The following COBLL1 variants were observed in gnomAD, a reference collection of about 807,000 sequenced individuals.
COBLL1 encodes the protein cordon-bleu protein-like 1.
In COBLL1, 50 loss-of-function variants were observed where a neutral mutation model predicts 94.8. That is an observed-to-expected ratio of 0.53 (90% confidence interval 0.42 to 0.67). The LOEUF is 0.67. Ranked by LOEUF, COBLL1 falls within the 30% of genes least tolerant of loss-of-function variation. COBLL1 has a pLI of 0.00. For missense variants in COBLL1, 1,362 were observed against 1,348.7 expected, an observed-to-expected ratio of 1.01 and a Z score of -0.15; for synonymous variants, 448 against 473.8, an observed-to-expected ratio of 0.95 and a Z score of 0.71.
intron 2 of COBLL1, among the ~76,000 whole-genome samples, chr2:164,801,948 T>C (rs1204548078): frequency 6.6e-6 from 1 of 152,230 alleles, no homozygotes; most frequent in Non-Finnish European, 1.5e-5. Context: ...CATGTCCTAT[T>C]GCTTAAGCAT....
At chr2:164,795,538 A>C (rs1683404088) in intron 2 of COBLL1, among the ~76,000 whole-genome samples, 1 of 152,162 alleles carries the variant, frequency 6.6e-6, no homozygotes, top group Non-Finnish European at 1.5e-5. Context: ...ACCCGCTCCC[A>C]GTTAAATTAT....
chr2:164,748,986 CCTA>C (rs1687001629), intron 2 of COBLL1, among the ~76,000 whole-genome samples: 1 of 152,018 alleles, frequency 6.6e-6, no homozygotes, highest in South Asian at 2.1e-4. Flanking sequence ...CAATTAGTGT[CCTA>C]CTATTACTGC....
chr2:164,754,442 A>T (rs1426902817), intron 2 of COBLL1, among the ~76,000 whole-genome samples: 1 of 152,184 alleles, frequency 6.6e-6, no homozygotes, highest in African/African-American at 2.4e-5. Flanking sequence ...CTGCTCTGAG[A>T]GAATCCAGCT....
At chr2:164,717,106 CAATGTAACTA>C (rs1685208566) in intron 7 of COBLL1, among the ~76,000 whole-genome samples, 1 of 152,092 alleles carries the variant, frequency 6.6e-6, no homozygotes, top group Non-Finnish European at 1.5e-5. Context: ...ACTTCTCATG[CAATGTAACTA>C]TTTCCAATAT....
At chr2:164,811,279 T>C (rs1684444176) in intron 2 of COBLL1, among the ~76,000 whole-genome samples, 2 of 151,942 alleles carry the variant, frequency 1.3e-5, no homozygotes, top group Non-Finnish European at 2.9e-5. Context: ...CAATAATGCA[T>C]GGTGTTTGGA....
At chr2:164,718,405 T>C (rs1375916942) in intron 7 of COBLL1, 7 of 186,728 alleles carry the variant, frequency 3.7e-5, no homozygotes, top group Non-Finnish European at 7.0e-5. Context: ...CTTTATGAAC[T>C]GCTAAGAATA....
chr2:164,667,675 A>G (rs1453750744), intron 1 of COBLL1, among the ~76,000 whole-genome samples: 2 of 152,116 alleles, frequency 1.3e-5, no homozygotes, highest in Non-Finnish European at 2.9e-5. Context: ...CTAGCTTCAC[A>G]TTTTTCTTCT....
At position 164,680,696 on chromosome 2, in the gene COBLL1, A is replaced by C. The variant is rs1163608180; in HGVS notation, c.*5250T>G. 2 of 152,166 alleles carry C rather than the reference A, an allele frequency of 1.3e-5. No homozygotes were observed. The highest frequency in any genetic ancestry group is 4.8e-5 in the African/African-American group (2 of 41,438). 9.4% of individuals were successfully genotyped at this position (152,166 alleles called of 1,614,324 possible). ...AGGATGCCTAGTTAGCTTGAACGTC[A>C]GATAAACAATATAAAAATATAAGTA... On this transcript the variant is annotated 3_prime_UTR_variant, in exon 14 of 14. Coordinates refer to ENST00000652658, the MANE Select transcript of COBLL1 (RefSeq NM_001365672.2).
intron 2 of COBLL1, among the ~76,000 whole-genome samples, chr2:164,833,227 G>A (rs1421102335): frequency 6.6e-6 from 1 of 151,878 alleles, no homozygotes; most frequent in African/African-American, 2.4e-5. Flanking sequence ...GGTGGCACAT[G>A]CCTGTAATTC....
At position 164,768,387 on chromosome 2, in the gene COBLL1, A is replaced by G. The variant is rs377008323; in HGVS notation, c.42-24512T>C. On this transcript the variant is annotated intron_variant, in intron 2 of 13. Transcript: ENST00000652658. ...TGGTTTTGAATGTGGCCCAACACAA[A>G]TTCGTAAACTTTCTTAAAACATTAT... Among the ~76,000 whole-genome samples the G allele has an allele frequency of 5.7e-4, 86 of 151,844 alleles. No individual in the cohort carries two copies. In the South Asian group the frequency reaches 0.017, roughly 30 times the overall value.
chr2:164,779,145 T>C (rs1057359334), intron 2 of COBLL1, among the ~76,000 whole-genome samples: 2 of 152,172 alleles, frequency 1.3e-5, no homozygotes, highest in Admixed American at 6.5e-5. Context: ...TCCAAATTGT[T>C]TTTCTTCTAT....
intron 3 of COBLL1, chr2:164,743,480 G>T: frequency 2.3e-6 from 1 of 441,940 alleles, no homozygotes. Context: ...TCATTTAATT[G>T]GGTTTGTGGA....
chr2:164,813,265 T>A (rs1684546617), intron 2 of COBLL1, among the ~76,000 whole-genome samples: 1 of 152,106 alleles, frequency 6.6e-6, no homozygotes, highest in Non-Finnish European at 1.5e-5. Flanking sequence ...TTTGGTTTAA[T>A]CAACAAAGAT....
intron 2 of COBLL1, among the ~76,000 whole-genome samples, chr2:164,755,224 C>T (rs1320838365): frequency 6.6e-6 from 1 of 152,118 alleles, no homozygotes; most frequent in South Asian, 2.1e-4. Flanking sequence ...TTCCCTCTAG[C>T]ATGTAGAGTA....
At chr2:164,665,148 T>A (rs955838911) in intron 2 of COBLL1, among the ~76,000 whole-genome samples, 7 of 152,192 alleles carry the variant, frequency 4.6e-5, no homozygotes, top group African/African-American at 1.7e-4. Flanking sequence ...CTGGCCAACA[T>A]GGCAAAACGC....
rs561611795 is a variant in COBLL1, at chr2:164,780,771, C to T, written c.42-36896G>A. 7.9e-5 allele frequency among the ~76,000 whole-genome samples: 12 copies of T among 152,198 alleles called. No individual in the cohort carries two copies. The East Asian group carries it at 1.7e-3, about 22-fold the overall frequency. On this transcript the variant is annotated intron_variant, in intron 2 of 13. Coordinates refer to ENST00000652658, the MANE Select transcript of COBLL1 (RefSeq NM_001365672.2). ...TGGGTGGTGCTGCCGGAGTATCTGCCGGGCTAAGTGGAAATCCACAAGGCA... is the reference window on the plus strand; with the variant it reads ...TGGGTGGTGCTGCCGGAGTATCTGCTGGGCTAAGTGGAAATCCACAAGGCA...
chr2:164,751,591 C>T (rs575551286), intron 2 of COBLL1, among the ~76,000 whole-genome samples: 1 of 152,166 alleles, frequency 6.6e-6, no homozygotes, highest in East Asian at 1.9e-4. Context: ...AGGCCATTGC[C>T]ACTGCCATTT....
At chr2:164,825,948 T>G (rs1685408632) in intron 2 of COBLL1, among the ~76,000 whole-genome samples, 1 of 152,210 alleles carries the variant, frequency 6.6e-6, no homozygotes, top group Non-Finnish European at 1.5e-5. Flanking sequence ...AATCTGATTT[T>G]AATCCATGTG....
intron 2 of COBLL1, among the ~76,000 whole-genome samples, chr2:164,784,822 G>GT (rs1242851294): frequency 3.9e-5 from 6 of 152,194 alleles, no homozygotes; most frequent in South Asian, 4.1e-4. Flanking sequence ...GCCAATACAT[G>GT]TTTTTTTAAA....
Sources: gnomAD v4.1 joint callset for allele counts (sites outside exome capture counted in the v4.1 genomes callset) on GRCh38, gnomAD v4.1.1 for gene constraint, MANE v1.5 for transcripts, NCBI Gene and HGNC (gene_info 2026-07-23, HGNC 2026-07-21) for gene names.